Variants in CCDC83 observed in about 807,000 individuals in gnomAD.
CCDC83 encodes coiled-coil domain-containing protein 83.
CCDC83 carries 54 observed loss-of-function variants against 50.1 expected under a neutral mutation model. That is an observed-to-expected ratio of 1.08 (90% confidence interval 0.87 to 1.35). The LOEUF (loss-of-function observed/expected upper bound fraction) is 1.35, where lower values mean the gene tolerates loss of function less well. Ranked by LOEUF, CCDC83 falls within the 40% of genes most tolerant of loss-of-function variation. The probability of loss-of-function intolerance (pLI) is 0.00; values close to 1 mark genes in which losing one functional copy is unlikely to be tolerated. For missense variants in CCDC83, 518 were observed against 473.9 expected, an observed-to-expected ratio of 1.09 and a Z score of -0.86; for synonymous variants, 161 against 153.3, an observed-to-expected ratio of 1.05 and a Z score of -0.37.
intron 3 of CCDC83, among the ~76,000 whole-genome samples, chr11:85,876,567 C>G (rs750349739): frequency 6.6e-6 from 1 of 152,182 alleles, no homozygotes; most frequent in African/African-American, 2.4e-5. Context: ...TGCAGTGGCG[C>G]GATCTCTGCT....
At chr11:85,903,229 C>G (rs980818508) in intron 7 of CCDC83, among the ~76,000 whole-genome samples, 2 of 151,794 alleles carry the variant, frequency 1.3e-5, no homozygotes, top group African/African-American at 4.8e-5. Flanking sequence ...CAATCTAAAA[C>G]AAACAAACAT....
intron 5 of CCDC83, among the ~76,000 whole-genome samples, chr11:85,890,946 A>C (rs573474870): frequency 1.1e-4 from 16 of 152,210 alleles, no homozygotes; most frequent in Non-Finnish European, 2.2e-4. Flanking sequence ...GTTTTAAAGG[A>C]AAGAGACAAA....
At chr11:85,916,257 T>C in intron 10 of CCDC83, 24 bp downstream of exon 10, 2 of 1,474,412 alleles carry the variant, frequency 1.4e-6, no homozygotes, top group Non-Finnish European at 1.9e-6. Context: ...CAACACAACT[T>C]TGACTACTAA....
intron 4 of CCDC83, 118 bp downstream of exon 4, chr11:85,882,793 A>G: frequency 1.1e-6 from 1 of 891,606 alleles, no homozygotes; most frequent in South Asian, 1.7e-5. Flanking sequence ...AAACGGCATC[A>G]TTACCACCGC....
chr11:85,913,188 A>G (rs779501370), intron 8 of CCDC83, among the ~76,000 whole-genome samples: 3 of 152,214 alleles, frequency 2.0e-5, no homozygotes, highest in Non-Finnish European at 4.4e-5. Flanking sequence ...GAAAAGAAAC[A>G]CCATGGGTGA....
chr11:85,874,345 A>G (rs1206184967), intron 3 of CCDC83, among the ~76,000 whole-genome samples: 1 of 152,242 alleles, frequency 6.6e-6, no homozygotes, highest in Non-Finnish European at 1.5e-5. Context: ...ACCCATGCAC[A>G]TCCTCCAGTG....
chr11:85,856,088 T>C (rs1040304932), intron 1 of CCDC83, among the ~76,000 whole-genome samples: 1 of 151,546 alleles, frequency 6.6e-6, no homozygotes, highest in Non-Finnish European at 1.5e-5. Flanking sequence ...TGCCATGTTG[T>C]TGCCTCACTC....
intron 10 of CCDC83, among the ~76,000 whole-genome samples, chr11:85,917,190 AAG>A (rs149041628): frequency 0.017 from 1,477 of 89,160 alleles, 61 homozygotes; most frequent in African/African-American, 0.062. Flanking sequence ...GAAAGAAAGA[AAG>A]AGAAAGAAAG....
At chr11:85,897,175 C>T (rs986514623) in intron 6 of CCDC83, among the ~76,000 whole-genome samples, 1 of 152,160 alleles carries the variant, frequency 6.6e-6, no homozygotes, top group East Asian at 1.9e-4. Flanking sequence ...AAGCATATAT[C>T]GTGAGGACTA....
At chr11:85,863,650 A>C (rs77296619) in intron 1 of CCDC83, among the ~76,000 whole-genome samples, 7,269 of 152,336 alleles carry the variant, frequency 0.048, 286 homozygotes, top group South Asian at 0.094. Context: ...GCGTGTTTTC[A>C]TATTAACAAG....
chr11:85,919,523 C>A lies in CCDC83; in HGVS notation c.*13C>A. On this transcript the variant is annotated 3_prime_UTR_variant, in exon 11 of 11. Transcript: ENST00000342404. Reference sequence around the variant, plus strand: ...GTCTTTTCTCTAAGACGGAAAGCTGCAAAGGAAACACAACTTTTCCTTATA... The same window carrying A: ...GTCTTTTCTCTAAGACGGAAAGCTGAAAAGGAAACACAACTTTTCCTTATA... 1 of 1,588,088 alleles carries A rather than the reference C, an allele frequency of 6.3e-7. No homozygotes were observed. The highest frequency in any genetic ancestry group is 8.6e-7 in the Non-Finnish European group (1 of 1,164,918).
In CCDC83 at chr11:85,882,685, GA is replaced by G. The variant is rs1162687520; in HGVS notation, c.343+12del. The G allele has an allele frequency of 2.5e-6, 4 of 1,611,866 alleles. No homozygotes were observed. Among genetic ancestry groups the G allele is most frequent in the Non-Finnish European group, 2.5e-6 (3 of 1,178,702 alleles). ...GAAAAAAACTTGAGAGGTGATTTAG[GA>G]ACATAGAAAACTATCATAGAGTTGT... On this transcript the variant is annotated intron_variant, in intron 4 of 10. Transcript: ENST00000342404.
chr11:85,868,733 A>G (rs527803657), intron 2 of CCDC83, among the ~76,000 whole-genome samples: 13 of 152,156 alleles, frequency 8.5e-5, no homozygotes, highest in Non-Finnish European at 1.9e-4. Context: ...GCTGGTCTCA[A>G]ACTCCTGGGC....
chr11:85,877,917 G>A (rs1419675504), intron 3 of CCDC83, among the ~76,000 whole-genome samples: 1 of 152,134 alleles, frequency 6.6e-6, no homozygotes, highest in Non-Finnish European at 1.5e-5. Context: ...TATTTCCATT[G>A]CTATTATTCA....
chr11:85,905,398 C>T (rs1389863494), intron 7 of CCDC83, among the ~76,000 whole-genome samples: 5 of 144,202 alleles, frequency 3.5e-5, no homozygotes, highest in African/African-American at 1.3e-4. Flanking sequence ...GCCGAGATTG[C>T]GCCATTGCAC....
At chr11:85,914,666 T>A (rs573512743) in intron 8 of CCDC83, among the ~76,000 whole-genome samples, 1 of 152,222 alleles carries the variant, frequency 6.6e-6, no homozygotes, top group Non-Finnish European at 1.5e-5. Context: ...TTTTTTGAAC[T>A]TTAAGTGTGT....
At chr11:85,886,178 A>C in intron 4 of CCDC83, 22 bp from the exon 5 acceptor site, 1 of 1,510,028 alleles carries the variant, frequency 6.6e-7, no homozygotes, top group Non-Finnish European at 8.9e-7. Context: ...CAGAAATGAC[A>C]CAGTGTCTTT....
At chr11:85,884,133 C>G (rs2093315092) in intron 4 of CCDC83, among the ~76,000 whole-genome samples, 1 of 152,066 alleles carries the variant, frequency 6.6e-6, no homozygotes, top group South Asian at 2.1e-4. Flanking sequence ...ATGGTTTGGG[C>G]TGAGCATGGG....
intron 6 of CCDC83, among the ~76,000 whole-genome samples, chr11:85,896,697 T>A (rs1331949567): frequency 6.6e-6 from 1 of 152,104 alleles, no homozygotes; most frequent in Non-Finnish European, 1.5e-5. Flanking sequence ...ATATAAAATA[T>A]TTTTGAGGCA....
Sources: gnomAD v4.1 joint callset for allele counts (sites outside exome capture counted in the v4.1 genomes callset) on GRCh38, gnomAD v4.1.1 for gene constraint, MANE v1.5 for transcripts, NCBI Gene and HGNC (gene_info 2026-07-23, HGNC 2026-07-21) for gene names.